Variants in FMO3 observed in about 807,000 individuals in gnomAD.
FMO3 encodes the protein flavin containing dimethylaniline monoxygenase 3.
Under a neutral mutation model 39.4 loss-of-function variants are expected in FMO3, and 40 were observed. The observed-to-expected ratio is 1.02, with a 90% CI of 0.79 to 1.32. FMO3 has a LOEUF of 1.32. FMO3 is among the 40% of genes most tolerant of loss of function. The pLI is 0.00. For synonymous variants in FMO3, 219 were observed against 228.8 expected (o/e 0.96, Z 0.39); for missense variants, 680 against 651.8 (o/e 1.04, Z -0.47).
chr1:171,095,964 AT>A (rs1319674270), intron 2 of FMO3, among the ~76,000 whole-genome samples: 2 of 2,922 alleles, frequency 6.8e-4, no homozygotes, highest in East Asian at 0.021. Flanking sequence ...ATAATTATAT[AT>A]TTATAATTAT....
chr1:171,114,425 T>A (rs932781687), intron 7 of FMO3, 63 bp downstream of exon 7: 6 of 1,236,190 alleles, frequency 4.9e-6, no homozygotes, highest in Non-Finnish European at 7.0e-6. Flanking sequence ...ACTTTGGATC[T>A]TTGTGAAAAC....
At chr1:171,110,208 T>A (rs987341546) in intron 5 of FMO3, among the ~76,000 whole-genome samples, 8 of 152,202 alleles carry the variant, frequency 5.3e-5, no homozygotes, top group Non-Finnish European at 8.8e-5. Flanking sequence ...TGATTCCAAA[T>A]TTCTCACCTT....
At chr1:171,106,742 G>A (rs1394308429) in intron 3 of FMO3, among the ~76,000 whole-genome samples, 2 of 151,990 alleles carry the variant, frequency 1.3e-5, no homozygotes, top group East Asian at 1.9e-4. Flanking sequence ...AGAATTCATA[G>A]CAATATAAAA....
intron 3 of FMO3, among the ~76,000 whole-genome samples, chr1:171,104,773 T>C (rs1341374331): frequency 6.6e-6 from 1 of 151,060 alleles, no homozygotes; most frequent in African/African-American, 2.4e-5. Flanking sequence ...ACTAGGGAGG[T>C]TGAGGTGGGA....
At chr1:171,094,302 A>G (rs150792597) in intron 2 of FMO3, among the ~76,000 whole-genome samples, 2 of 151,818 alleles carry the variant, frequency 1.3e-5, no homozygotes, top group Non-Finnish European at 2.9e-5. Flanking sequence ...TCCCCTTTGT[A>G]ATGGTGTTAT....
intron 3 of FMO3, among the ~76,000 whole-genome samples, chr1:171,104,189 A>G (rs1348944673): frequency 6.6e-6 from 1 of 152,210 alleles, no homozygotes; most frequent in African/African-American, 2.4e-5. Flanking sequence ...AGACTAAATC[A>G]CTACTAATTT....
intron 2 of FMO3, among the ~76,000 whole-genome samples, chr1:171,096,302 T>A (rs1248858614): frequency 2.1e-5 from 2 of 93,508 alleles, no homozygotes; most frequent in Non-Finnish European, 3.6e-5. Context: ...CTATTATATA[T>A]CATATATAAT....
chr1:171,107,972 A>G lies in FMO3; in HGVS notation c.485-107A>G. The G allele has an allele frequency of 7.1e-6, 10 of 1,400,822 alleles. 1 individual carries two copies. The highest frequency in any genetic ancestry group is 1.0e-5 in the Non-Finnish European group (10 of 987,004). The allele number at this position is 1,400,822 out of a possible 1,614,324, so 86.8% of individuals were successfully genotyped here. A position where few individuals can be genotyped will look rare whatever the true frequency, so the allele number is the denominator to read the frequency against. On this transcript the variant is annotated intron_variant, in intron 4 of 8. Transcript: ENST00000367755. The stretch of plus-strand genomic sequence containing the variant: ...TTATATCTAATATGCTTGGTGTGTT[A>G]AAATAGCACATTATTGTGACTGCAT...
rs992958391 is a variant in FMO3 at position 171,110,804 on chromosome 1, A to T, written c.634A>T (p.Ile212Phe). Reference sequence around the variant, plus strand: ...TGAATTGGTGTTTTTTAAGGTCATGATCAGTTCCAGAAGTGGCTCCTGGGT... The same window carrying T: ...TGAATTGGTGTTTTTTAAGGTCATGTTCAGTTCCAGAAGTGGCTCCTGGGT... ...ELSRTAEQVM[I>F]SSRSGSWVMS... The change falls in exon 6 of 9, where the codon ATC (isoleucine) becomes TTC (phenylalanine). Residue 212 changes from isoleucine (I) to phenylalanine (F), a missense_variant. Ile to Phe is a conservative substitution (Grantham distance 21). Transcript: ENST00000367755. The T allele has an allele frequency of 1.2e-6, 2 of 1,613,890 alleles. No individual in the cohort carries two copies. Among genetic ancestry groups the T allele is most frequent in the Non-Finnish European group, 8.5e-7 (1 of 1,179,862 alleles).
chr1:171,101,787 G>A (rs772801714), intron 2 of FMO3: 8 of 506,598 alleles, frequency 1.6e-5, no homozygotes, highest in Non-Finnish European at 2.1e-5. Flanking sequence ...AATAGGCCAC[G>A]GATCTGGGCA....
At chr1:171,109,599 A>G (rs546065988) in intron 5 of FMO3, among the ~76,000 whole-genome samples, 30 of 131,452 alleles carry the variant, frequency 2.3e-4, no homozygotes, top group Non-Finnish European at 3.7e-4. Context: ...CAGTGGCACA[A>G]TCTCGGCTCA....
intron 2 of FMO3, chr1:171,101,698 G>A: frequency 2.0e-6 from 1 of 505,398 alleles, no homozygotes; most frequent in Non-Finnish European, 4.1e-6. Context: ...CCACGATGAT[G>A]TATTTCCCTC....
Position 171,091,917 on chromosome 1 carries a change from CTG to C in FMO3, c.-6-726_-6-725del, listed in dbSNP as rs28363523. On this transcript the variant is annotated intron_variant, in intron 1 of 8. Transcript: ENST00000367755. ...CGTGTGTGTGTGTGTGTGTGTATGA[CTG>C]TGTGTGTGTATACATATACATATGT... 4.5e-3 allele frequency among the ~76,000 whole-genome samples: 673 copies of C among 150,914 alleles called. 5 individuals carry two copies. Among genetic ancestry groups the C allele is most frequent in the African/African-American group, 0.016 (656 of 41,170 alleles).
At chr1:171,112,469 G>A (rs796597534) in intron 6 of FMO3, among the ~76,000 whole-genome samples, 5 of 152,232 alleles carry the variant, frequency 3.3e-5, no homozygotes, top group African/African-American at 1.2e-4. Flanking sequence ...GTCAGAATTG[G>A]GCAGATTTCT....
At chr1:171,099,752 T>C (rs1655276749) in intron 2 of FMO3, 2 of 140,174 alleles carry the variant, frequency 1.4e-5, no homozygotes, top group South Asian at 4.5e-4. Flanking sequence ...GAGCTGACCA[T>C]GTCTTTCTTT....
intron 5 of FMO3, 113 bp from the exon 6 acceptor site, chr1:171,110,685 C>G: frequency 1.0e-6 from 1 of 987,956 alleles, no homozygotes; most frequent in Non-Finnish European, 1.6e-6. Flanking sequence ...CTTCTGACAC[C>G]ACTTTCTGCA....
rs1279445358 is a variant in FMO3 at position 171,092,648 on chromosome 1, C to T, written c.-6-5C>T. Reference sequence around the variant, plus strand: ...ACTGGAAATGTTCTCTGGGCCTTTGCACAGGTTACCATGGGGAAGAAAGTG... The same window carrying T: ...ACTGGAAATGTTCTCTGGGCCTTTGTACAGGTTACCATGGGGAAGAAAGTG... On this transcript the variant is annotated splice_region_variant and splice_polypyrimidine_tract_variant and intron_variant, in intron 1 of 8. Transcript: ENST00000367755. 2.5e-6 allele frequency: 4 copies of T among 1,614,082 alleles called. No homozygotes were observed. The highest frequency in any genetic ancestry group is 3.4e-6 in the Non-Finnish European group (4 of 1,179,964).
At chr1:171,114,965 T>C (rs1054382956) in intron 7 of FMO3, among the ~76,000 whole-genome samples, 2 of 151,872 alleles carry the variant, frequency 1.3e-5, no homozygotes, top group African/African-American at 4.8e-5. Context: ...GAATACTGAG[T>C]TCTTATATTT....
At chr1:171,115,784 C>G (rs553007835) in intron 7 of FMO3, among the ~76,000 whole-genome samples, 127 of 152,236 alleles carry the variant, frequency 8.3e-4, no homozygotes, top group African/African-American at 3.0e-3. Context: ...ACTGGCTTCC[C>G]ATAGAAAAAC....
Sources: allele counts gnomAD v4.1 joint callset (sites outside exome capture counted in the v4.1 genomes callset), GRCh38; gene constraint gnomAD v4.1.1; transcripts MANE v1.5; gene names NCBI Gene and HGNC (gene_info 2026-07-23, HGNC 2026-07-21).